Variants in KAT6A observed in about 807,000 individuals in gnomAD.
KAT6A encodes the protein histone acetyltransferase KAT6A.
In KAT6A, 9 loss-of-function variants were observed where a neutral mutation model predicts 198.4. That is an observed-to-expected ratio of 0.05 (90% CI 0.03 to 0.08). The LOEUF (loss-of-function observed/expected upper bound fraction) is 0.08. KAT6A is among the 10% of genes least tolerant of loss of function. The pLI, the probability that KAT6A is intolerant of heterozygous loss-of-function variation, is 1.00. For missense variants in KAT6A, 2,077 were observed against 2,509.9 expected (o/e 0.83, Z 3.69); for synonymous variants, 890 against 883.0 (o/e 1.01, Z -0.14).
At chr8:41,934,962 T>C (rs1821778895) in intron 16 of KAT6A, 95 bp from the exon 17 acceptor site, 2 of 977,956 alleles carry the variant, frequency 2.0e-6, no homozygotes, top group South Asian at 1.7e-5. Flanking sequence ...GAAATGACTT[T>C]ATTAATCATT....
At position 42,005,763 on chromosome 8, in the gene KAT6A, TACAC is replaced by T. The variant is rs142174569; in HGVS notation, c.601-18204_601-18201del. Among the ~76,000 whole-genome samples, 1,119 of 142,106 alleles carry T rather than the reference TACAC, an allele frequency of 7.9e-3. 10 individuals are homozygous for T. The highest frequency in any genetic ancestry group is 9.6e-3 in the Non-Finnish European group (609 of 63,762). 93.2% of individuals were successfully genotyped at this position (142,106 alleles called of 152,430 possible). On this transcript the variant is annotated intron_variant, in intron 2 of 16. Transcript: ENST00000265713. ...CACATATTCAAATGCTGCAAGCAAA[TACAC>T]ACACACACACACACACACACACACA...
At chr8:42,024,128 C>A (rs946788132) in intron 2 of KAT6A, among the ~76,000 whole-genome samples, 17 of 152,062 alleles carry the variant, frequency 1.1e-4, no homozygotes, top group Non-Finnish European at 1.8e-4. Flanking sequence ...ATACATAAAG[C>A]AGTAACAGGT....
In KAT6A at chr8:41,963,534, C is replaced by T. The variant is rs552049508; in HGVS notation, c.1483-8123G>A. Among the ~76,000 whole-genome samples the T allele has an allele frequency of 2.1e-4, 32 of 152,342 alleles. No homozygotes were observed. The South Asian group carries it at 2.9e-3, about 14-fold the overall frequency. On this transcript the variant is annotated intron_variant, in intron 8 of 16. Transcript: ENST00000265713. ...ATTCTATCTTAAGTCTTTCTCAAAACGATTATCTATCTCTGTCTCCTATCT... is the reference window on the plus strand; with the variant it reads ...ATTCTATCTTAAGTCTTTCTCAAAATGATTATCTATCTCTGTCTCCTATCT...
At chr8:41,958,884 G>A (rs1178458844) in intron 8 of KAT6A, among the ~76,000 whole-genome samples, 1 of 152,194 alleles carries the variant, frequency 6.6e-6, no homozygotes, top group Admixed American at 6.5e-5. Context: ...AAAAGGCCGG[G>A]CGTGGTGGCT....
Position 41,939,419 on chromosome 8 carries a change from C to T in KAT6A, c.3039+1423G>A, listed in dbSNP as rs1051594661. Reference sequence around the variant, plus strand: ...GTCTTGCTATGTCACGCAGGTTGGACTACAGTGGCTATTTACAGGTACAAT... The same window carrying T: ...GTCTTGCTATGTCACGCAGGTTGGATTACAGTGGCTATTTACAGGTACAAT... On this transcript the variant is annotated intron_variant, in intron 15 of 16. Transcript: ENST00000265713. Among the ~76,000 whole-genome samples, 3 of 152,146 alleles carry T rather than the reference C, an allele frequency of 2.0e-5. 1 individual carries two copies. The highest frequency in any genetic ancestry group is 1.9e-4 in the East Asian group (1 of 5,200).
chr8:41,962,184 C>T (rs1037598934), intron 8 of KAT6A, among the ~76,000 whole-genome samples: 1 of 152,088 alleles, frequency 6.6e-6, no homozygotes, highest in Non-Finnish European at 1.5e-5. Flanking sequence ...CTTCTCTTCT[C>T]CCTTGGTGAT....
chr8:42,029,080 G>C (rs1826981512), intron 2 of KAT6A, among the ~76,000 whole-genome samples: 2 of 151,798 alleles, frequency 1.3e-5, no homozygotes, highest in Non-Finnish European at 2.9e-5. Context: ...TAGTATTCTT[G>C]GCCAGTAGTT....
intron 5 of KAT6A, among the ~76,000 whole-genome samples, chr8:41,979,397 G>T (rs928170279): frequency 7.9e-5 from 12 of 151,590 alleles, no homozygotes; most frequent in Admixed American, 3.9e-4. Context: ...CCATCACTTT[G>T]GGGGGCTGAG....
chr8:42,048,855 G>T lies in KAT6A; in HGVS notation c.123C>A (p.Gly41=). 1 of 1,614,124 alleles carries T rather than the reference G, an allele frequency of 6.2e-7. No homozygotes were observed. The highest frequency in any genetic ancestry group is 8.5e-7 in the Non-Finnish European group (1 of 1,180,012). Residue 41 remains glycine, a synonymous_variant, in exon 2 of 17, where the codon GGC becomes GGA. Coordinates refer to ENST00000265713, the MANE Select transcript of KAT6A (RefSeq NM_006766.5). The part of the protein sequence containing the change: ...RICNAVSSSH[G]LDRKTVLEQL... ...GTTCTAAAACAGTTTTACGATCCAA[G>T]CCATGGGATGAAGACACAGCATTGC... is the stretch of plus-strand genomic sequence containing the variant.
Position 41,930,261 on chromosome 8 carries a change from C to T in KAT6A, c.*1944G>A. ...TACCTCCCTCCCGACCCACCCCGTCCCCACCCCAACCAGGAAGCAATGACA... is the reference window on the plus strand; with the variant it reads ...TACCTCCCTCCCGACCCACCCCGTCTCCACCCCAACCAGGAAGCAATGACA... On this transcript the variant is annotated 3_prime_UTR_variant, in exon 17 of 17. Transcript: ENST00000265713. 1 of 225,870 alleles carries T rather than the reference C, an allele frequency of 4.4e-6. No homozygotes were observed. Among genetic ancestry groups the T allele is most frequent in the Admixed American group, 5.7e-5 (1 of 17,402 alleles). The allele number at this position is 225,870 out of a possible 1,614,324, so 14.0% of individuals were successfully genotyped here.
chr8:41,972,461 T>C (rs1443458321), intron 8 of KAT6A, among the ~76,000 whole-genome samples: 6 of 152,166 alleles, frequency 3.9e-5, no homozygotes, highest in African/African-American at 1.4e-4. Flanking sequence ...CTAAACCAGG[T>C]GGTCACTGTT....
At chr8:41,958,322 T>C (rs1480328556) in intron 8 of KAT6A, 2 of 152,080 alleles carry the variant, frequency 1.3e-5, no homozygotes, top group Non-Finnish European at 2.9e-5. Context: ...CCACAATCCA[T>C]CCTTCAAAGT....
At chr8:41,999,756 C>G (rs1587806294) in intron 2 of KAT6A, among the ~76,000 whole-genome samples, 1 of 152,220 alleles carries the variant, frequency 6.6e-6, no homozygotes, top group Non-Finnish European at 1.5e-5. Context: ...GTTTGTATCT[C>G]CACCTACAAG....
intron 2 of KAT6A, among the ~76,000 whole-genome samples, chr8:42,014,000 C>T (rs1204081232): frequency 1.3e-5 from 2 of 152,066 alleles, no homozygotes; most frequent in South Asian, 2.1e-4. Context: ...AACACAGAAA[C>T]GAAAACAAGT....
chr8:41,974,206 T>C (rs1587767102), intron 8 of KAT6A, among the ~76,000 whole-genome samples: 2 of 152,174 alleles, frequency 1.3e-5, no homozygotes, highest in South Asian at 2.1e-4. Flanking sequence ...GCCTCCTAAA[T>C]AGCTGTGACT....
At chr8:42,044,442 A>G (rs1209360330) in intron 2 of KAT6A, among the ~76,000 whole-genome samples, 1 of 152,060 alleles carries the variant, frequency 6.6e-6, no homozygotes, top group South Asian at 2.1e-4. Context: ...TCTCCTCAGT[A>G]CTTATCAATG....
At chr8:42,048,337 A>C in intron 2 of KAT6A, 41 bp downstream of exon 2, 2 of 1,592,438 alleles carry the variant, frequency 1.3e-6, no homozygotes, top group South Asian at 2.2e-5. Context: ...AGCATCCTAT[A>C]TCATCAGCTC....
At chr8:41,982,931 A>C (rs955455464) in intron 3 of KAT6A, among the ~76,000 whole-genome samples, 8 of 152,312 alleles carry the variant, frequency 5.3e-5, no homozygotes, top group African/African-American at 1.9e-4. Context: ...CAAGGTTTCA[A>C]GCATCCACTG....
chr8:41,983,898 C>T (rs1438762320), intron 3 of KAT6A, among the ~76,000 whole-genome samples: 1 of 152,200 alleles, frequency 6.6e-6, no homozygotes, highest in Non-Finnish European at 1.5e-5. Context: ...TTCATAGGCT[C>T]AACTATTAGT....
Sources: gnomAD v4.1 joint callset for allele counts (sites outside exome capture counted in the v4.1 genomes callset) on GRCh38, gnomAD v4.1.1 for gene constraint, MANE v1.5 for transcripts, NCBI Gene and HGNC (gene_info 2026-07-23, HGNC 2026-07-21) for gene names.